SLC6A14: variants seen among roughly 807,000 people sequenced by gnomAD.
SLC6A14 encodes sodium- and chloride-dependent neutral and basic amino acid transporter B(0+).
A neutral mutation model predicts 51.4 loss-of-function variants in SLC6A14; 21 were observed. The ratio of observed to expected loss-of-function variants is 0.41; its 90% CI spans 0.29 to 0.59. SLC6A14 has a LOEUF of 0.59. Ranked by LOEUF, SLC6A14 falls within the 20% of genes least tolerant of loss-of-function variation. The probability of loss-of-function intolerance (pLI) is 0.31; values close to 1 mark genes in which losing one functional copy is unlikely to be tolerated. For missense variants in SLC6A14, 371 were observed against 472.8 expected (o/e 0.78, Z 2.00); for synonymous variants, 177 against 160.7 (o/e 1.10, Z -0.77).
intron 13 of SLC6A14, among the ~76,000 whole-genome samples, chrX:116,458,014 G>T (rs6608647): frequency 1.8e-5 from 2 of 111,304 alleles, no homozygotes; most frequent in Non-Finnish European, 3.8e-5. Context: ...GGGGAAAGTC[G>T]GGTCTTATTT....
At chrX:116,455,320 A>G in intron 11 of SLC6A14, 37 bp from the exon 12 acceptor site, 1 of 1,078,315 alleles carries the variant, frequency 9.3e-7, no homozygotes, top group Non-Finnish European at 1.3e-6. Flanking sequence ...GGAAGAAAAT[A>G]TTAGCAAGCA....
chrX:116,454,747 A>G (rs1172851106), intron 10 of SLC6A14, among the ~76,000 whole-genome samples: 11 of 111,729 alleles, frequency 9.8e-5, no homozygotes, highest in Admixed American at 3.8e-4. Flanking sequence ...CTGATAATCA[A>G]CAAATTTAAG....
intron 10 of SLC6A14, among the ~76,000 whole-genome samples, chrX:116,454,701 C>A (rs1432905819): frequency 9.0e-6 from 1 of 111,255 alleles, no homozygotes; most frequent in Non-Finnish European, 1.9e-5. Context: ...ACATTTCTCA[C>A]AGCCACTTCA....
At chrX:116,451,719 C>G in intron 8 of SLC6A14, 49 bp downstream of exon 8, 2 of 705,388 alleles carry the variant, frequency 2.8e-6, no homozygotes, top group Non-Finnish European at 4.2e-6. Flanking sequence ...ATGTATCTCA[C>G]TTATGAAACT....
intron 3 of SLC6A14, 33 bp from the exon 4 acceptor site, chrX:116,442,654 T>C: frequency 1.9e-6 from 2 of 1,070,293 alleles, no homozygotes; most frequent in Non-Finnish European, 2.5e-6. Context: ...TACTTGAGTT[T>C]GGTTTTTATT....
At chrX:116,441,575 A>G (rs782569002) in intron 3 of SLC6A14, among the ~76,000 whole-genome samples, 24 of 112,380 alleles carry the variant, frequency 2.1e-4, no homozygotes, top group Non-Finnish European at 3.8e-4. Flanking sequence ...GGTAAAGCTT[A>G]AAAATGCCTT....
intron 13 of SLC6A14, 33 bp downstream of exon 13, chrX:116,457,809 A>G: frequency 9.8e-7 from 1 of 1,021,589 alleles, no homozygotes; most frequent in East Asian, 3.1e-5. Flanking sequence ...TACTTTACAC[A>G]AAGTAGTTAT....
intron 1 of SLC6A14, 71 bp downstream of exon 1, chrX:116,436,828 C>T: frequency 2.0e-6 from 2 of 988,757 alleles, no homozygotes; most frequent in South Asian, 4.5e-5. Context: ...TTGCTAGTCT[C>T]AGTTTTTGCT....
rs1928020314 is a variant in SLC6A14 at position 116,460,386 on chromosome X, G to A, written c.*1431G>A. On this transcript the variant is annotated 3_prime_UTR_variant, in exon 14 of 14. Transcript: ENST00000598581. Reference sequence around the variant, plus strand: ...CTCTTCCTTGTGATTGAAGATGAAAGGAGTAAGAAATTAAGGCATTTGTTT... The same window carrying A: ...CTCTTCCTTGTGATTGAAGATGAAAAGAGTAAGAAATTAAGGCATTTGTTT... 9.0e-6 allele frequency: 1 copy of A among 110,573 alleles called. No homozygotes were observed. Among genetic ancestry groups the A allele is most frequent in the Non-Finnish European group, 1.9e-5 (1 of 52,888 alleles). The allele number at this position is 110,573 out of a possible 1,213,427, so 9.1% of individuals were successfully genotyped here. A position where few individuals can be genotyped will look rare whatever the true frequency, so the allele number is the denominator to read the frequency against.
In SLC6A14 at chrX:116,436,760, A is replaced by C. The variant is rs369331473; in HGVS notation, c.48+3A>C. 101 of 1,163,536 alleles carry C rather than the reference A, an allele frequency of 8.7e-5. No homozygotes were observed. The highest frequency in any genetic ancestry group is 1.1e-4 in the Non-Finnish European group (96 of 871,234). On this transcript the variant is annotated splice_donor_region_variant and intron_variant, in intron 1 of 13. Transcript: ENST00000598581. ...TCTTCAAGTGCAGGGAGAAGGAGGT[A>C]GGGGTCTGGGAGCTGCGGGAGGTGT...
chrX:116,440,954 C>T lies in SLC6A14; in HGVS notation c.215-12C>T, dbSNP rs1927582752. The T allele has an allele frequency of 1.7e-6, 2 of 1,206,625 alleles. No homozygotes were observed. The highest frequency in any genetic ancestry group is 2.2e-5 in the Admixed American group (1 of 45,431). ...CTGTAATAGTGCTTTGGTTCTTTCT[C>T]ACCTTTTTTAGGCGCCTTCTTGATA... is the stretch of plus-strand genomic sequence containing the variant. On this transcript the variant is annotated splice_polypyrimidine_tract_variant and intron_variant, in intron 2 of 13. Transcript: ENST00000598581.
chrX:116,442,965 G>A, intron 4 of SLC6A14, 117 bp downstream of exon 4: 4 of 460,029 alleles, frequency 8.7e-6, no homozygotes, highest in Non-Finnish European at 1.4e-5. Flanking sequence ...GGTCACTGGT[G>A]AAAGCAGAAG....
chrX:116,438,530 A>T (rs1160589148), intron 2 of SLC6A14, among the ~76,000 whole-genome samples: 1 of 112,211 alleles, frequency 8.9e-6, no homozygotes, highest in Non-Finnish European at 1.9e-5. Context: ...CTAAAATGAA[A>T]TAATTTAGTT....
chrX:116,453,142 G>T lies in SLC6A14; in HGVS notation c.1285G>T (p.Glu429Ter). The change falls in exon 9 of 14, where the codon GAA (glutamate) becomes TAA (stop). Residue 429 changes from glutamate to a stop codon, truncating the protein, a stop_gained and splice_region_variant. Transcript: ENST00000598581. LOFTEE classifies it high-confidence loss of function. ...LGLDSQFASI[E>*]TITTTIQDLF... The stretch of plus-strand genomic sequence containing the variant: ...TCTCGATTCTCAGTTTGCTTCGATT[G>T]GTAAGTAATACTTCCAGTGGTAACA... The T allele has an allele frequency of 8.4e-7, 1 of 1,188,484 alleles. No homozygotes were observed. Among genetic ancestry groups the T allele is most frequent in the Non-Finnish European group, 1.1e-6 (1 of 882,611 alleles).
chrX:116,449,145 A>G (rs1222459130), intron 7 of SLC6A14, among the ~76,000 whole-genome samples: 1 of 111,699 alleles, frequency 9.0e-6, no homozygotes, highest in Non-Finnish European at 1.9e-5. Context: ...CCCTCATTTT[A>G]CAGTGATGAA....
Position 116,436,763 on chromosome X carries a change from G to C in SLC6A14, c.48+6G>C, listed in dbSNP as rs782419009. 6.9e-6 allele frequency: 8 copies of C among 1,162,856 alleles called. No homozygotes were observed. The highest frequency in any genetic ancestry group is 9.2e-6 in the Non-Finnish European group (8 of 870,922). On this transcript the variant is annotated splice_donor_region_variant and intron_variant, in intron 1 of 13. Coordinates refer to ENST00000598581, the MANE Select transcript of SLC6A14 (RefSeq NM_007231.5). Reference sequence around the variant, plus strand: ...TCAAGTGCAGGGAGAAGGAGGTAGGGGTCTGGGAGCTGCGGGAGGTGTGGA... The same window carrying C: ...TCAAGTGCAGGGAGAAGGAGGTAGGCGTCTGGGAGCTGCGGGAGGTGTGGA...
chrX:116,441,213 C>G (rs1367522005), intron 3 of SLC6A14, 116 bp downstream of exon 3: 3 of 751,141 alleles, frequency 4.0e-6, no homozygotes, highest in East Asian at 3.3e-5. Flanking sequence ...AAAATTCTGA[C>G]AATTTAAAGC....
intron 7 of SLC6A14, among the ~76,000 whole-genome samples, chrX:116,449,161 GACTT>G (rs1323431665): frequency 9.0e-6 from 1 of 111,530 alleles, no homozygotes; most frequent in Non-Finnish European, 1.9e-5. Flanking sequence ...ATGAAACTAA[GACTT>G]ACATAGATTC....
At position 116,436,686 on chromosome X, in the gene SLC6A14, C is replaced by CGGAGCCAG. The variant is rs1204452512; in HGVS notation, c.-23_-16dup. 24 of 1,158,430 alleles carry CGGAGCCAG rather than the reference C, an allele frequency of 2.1e-5. No homozygotes were observed. The East Asian group carries it at 7.9e-4, about 38-fold the overall frequency. ...AGCCAGACTGCAAGAGGAGGCGAGGCGGAGCCAGCCGAGGGAGTGAACCAT... is the reference window on the plus strand; with the variant it reads ...AGCCAGACTGCAAGAGGAGGCGAGGCGGAGCCAGGGAGCCAGCCGAGGGAGTGAACCAT... On this transcript the variant is annotated 5_prime_UTR_variant, in exon 1 of 14. Coordinates refer to ENST00000598581, the MANE Select transcript of SLC6A14 (RefSeq NM_007231.5).
Sources: allele counts gnomAD v4.1 joint callset (sites outside exome capture counted in the v4.1 genomes callset), GRCh38; gene constraint gnomAD v4.1.1; transcripts MANE v1.5; gene names NCBI Gene and HGNC (gene_info 2026-07-23, HGNC 2026-07-21).